STX17: variants seen among roughly 807,000 people sequenced by gnomAD.
STX17 encodes the protein syntaxin 17.
STX17 carries 29 observed loss-of-function variants against 35.9 expected under a neutral mutation model. The ratio of observed to expected loss-of-function variants is 0.81; its 90% confidence interval spans 0.60 to 1.10. The LOEUF is 1.10. Ranked by LOEUF, STX17 falls within the 50% of genes least tolerant of loss-of-function variation. The pLI, the probability that STX17 is intolerant of heterozygous loss-of-function variation, is 0.00. For missense variants in STX17, 312 were observed against 352.3 expected, an observed-to-expected ratio of 0.89 and a Z score of 0.92; for synonymous variants, 92 against 118.3, an observed-to-expected ratio of 0.78 and a Z score of 1.44.
At chr9:99,964,647 A>T (rs899142552) in intron 6 of STX17, among the ~76,000 whole-genome samples, 7 of 152,156 alleles carry the variant, frequency 4.6e-5, no homozygotes, top group Non-Finnish European at 8.8e-5. Flanking sequence ...GGAGATTGAT[A>T]GATAGAGGTT....
chr9:99,929,622 G>A (rs1186874877), intron 3 of STX17, among the ~76,000 whole-genome samples: 1 of 150,832 alleles, frequency 6.6e-6, no homozygotes, highest in Non-Finnish European at 1.5e-5. Flanking sequence ...TCTTATGGTA[G>A]GTGGAGCTCT....
chr9:99,965,918 C>G (rs762076470), intron 6 of STX17, among the ~76,000 whole-genome samples: 3 of 152,180 alleles, frequency 2.0e-5, no homozygotes, highest in Non-Finnish European at 2.9e-5. Context: ...ACTATTCTTA[C>G]TTGATAAATG....
chr9:99,918,956 G>C (rs976242103), intron 2 of STX17, among the ~76,000 whole-genome samples: 2 of 152,170 alleles, frequency 1.3e-5, no homozygotes, highest in African/African-American at 4.8e-5. Context: ...GGGAAGGAAA[G>C]TAGGTGAAGA....
chr9:99,957,936 A>C (rs994698252), intron 4 of STX17, among the ~76,000 whole-genome samples: 10 of 151,922 alleles, frequency 6.6e-5, no homozygotes, highest in African/African-American at 2.4e-4. Flanking sequence ...TGCATCCTTA[A>C]TGTGTTTCTT....
chr9:99,967,531 A>G, intron 6 of STX17, 122 bp from the exon 7 acceptor site: 1 of 634,590 alleles, frequency 1.6e-6, no homozygotes, highest in Non-Finnish European at 2.7e-6. Context: ...CTATTAATGA[A>G]CCACTATTAA....
At chr9:99,911,121 C>T (rs937465158) in intron 1 of STX17, among the ~76,000 whole-genome samples, 13 of 152,058 alleles carry the variant, frequency 8.5e-5, no homozygotes, top group African/African-American at 1.9e-4. Flanking sequence ...CCGCAACCTC[C>T]GCCTCCTGGG....
chr9:99,948,042 C>T (rs1829519116), intron 3 of STX17, among the ~76,000 whole-genome samples: 1 of 151,674 alleles, frequency 6.6e-6, no homozygotes, highest in South Asian at 2.1e-4. Context: ...AATCACCTAG[C>T]CTGCTGTTTT....
At chr9:99,959,332 C>A (rs566261582) in intron 4 of STX17, among the ~76,000 whole-genome samples, 1 of 150,602 alleles carries the variant, frequency 6.6e-6, no homozygotes, top group African/African-American at 2.4e-5. Flanking sequence ...CAGTTGAGGC[C>A]GGGAGTTCAA....
At chr9:99,939,366 A>C in intron 3 of STX17, among the ~76,000 whole-genome samples, 1 of 152,240 alleles carries the variant, frequency 6.6e-6, no homozygotes, top group East Asian at 1.9e-4. Context: ...CTGATTAATC[A>C]GGATTTAGGA....
chr9:99,918,285 A>G (rs1305694420), intron 2 of STX17, among the ~76,000 whole-genome samples: 4 of 152,008 alleles, frequency 2.6e-5, no homozygotes, highest in East Asian at 3.9e-4. Flanking sequence ...GTCCTCTACC[A>G]TGTTCAGCTA....
rs1428169886 is a variant in STX17 at position 99,969,908 on chromosome 9, G to A, written c.*1235G>A. The A allele has an allele frequency of 6.6e-6, 1 of 152,648 alleles. No homozygotes were observed. Among genetic ancestry groups the A allele is most frequent in the African/African-American group, 2.4e-5 (1 of 41,414 alleles). The allele number at this position is 152,648 out of a possible 1,614,324, so 9.5% of individuals were successfully genotyped here. A position where few individuals can be genotyped will look rare whatever the true frequency, so the allele number is the denominator to read the frequency against. On this transcript the variant is annotated 3_prime_UTR_variant, in exon 8 of 8. Transcript: ENST00000259400. ...ACTCAGACCCGGGGAATGGTGTGGT[G>A]CTAATCTCAACACCTGACATTCACA... is the stretch of plus-strand genomic sequence containing the variant.
rs1238378352 is a variant in STX17, at chr9:99,970,722, CT to C, written c.*2051del. 6.6e-6 allele frequency among the ~76,000 whole-genome samples: 1 copy of C among 152,234 alleles called. No individual in the cohort carries two copies. The highest frequency in any genetic ancestry group is 1.5e-5 in the Non-Finnish European group (1 of 68,050). Reference sequence around the variant, plus strand: ...CTGAAACTCCCAGTATTCTACCCTTCTTCATCACTGCATATTACCCCACTCT... The same window carrying C: ...CTGAAACTCCCAGTATTCTACCCTTCTCATCACTGCATATTACCCCACTCT... On this transcript the variant is annotated 3_prime_UTR_variant, in exon 8 of 8. Coordinates refer to ENST00000259400, the MANE Select transcript of STX17 (RefSeq NM_017919.3).
At chr9:99,952,356 C>T (rs568314006) in intron 4 of STX17, among the ~76,000 whole-genome samples, 3 of 152,102 alleles carry the variant, frequency 2.0e-5, no homozygotes, top group East Asian at 1.9e-4. Flanking sequence ...GTTAGAATGG[C>T]GATCATTAAA....
chr9:99,910,427 A>G (rs747878376), intron 1 of STX17, among the ~76,000 whole-genome samples: 29 of 152,184 alleles, frequency 1.9e-4, no homozygotes, highest in Non-Finnish European at 3.8e-4. Context: ...TCTGGTAGGA[A>G]CATAATAGGC....
intron 1 of STX17, chr9:99,907,330 G>A (rs1010223919): frequency 7.9e-5 from 12 of 152,178 alleles, no homozygotes; most frequent in African/African-American, 2.9e-4. Flanking sequence ...ACATTAAGCG[G>A]CGGGCCGGAA....
chr9:99,926,741 G>A (rs181169419), intron 2 of STX17, among the ~76,000 whole-genome samples: 47 of 152,180 alleles, frequency 3.1e-4, no homozygotes, highest in African/African-American at 1.1e-3. Context: ...CTTGTGATCC[G>A]CCCGCTTCAG....
chr9:99,943,089 T>A (rs1437304592), intron 3 of STX17, among the ~76,000 whole-genome samples: 2 of 152,186 alleles, frequency 1.3e-5, no homozygotes, highest in Non-Finnish European at 2.9e-5. Flanking sequence ...TTTTGCAAAT[T>A]TATTTAATTT....
chr9:99,968,300 AG>A (rs1450561851), intron 7 of STX17, 133 bp from the exon 8 acceptor site: 1 of 1,125,656 alleles, frequency 8.9e-7, no homozygotes, highest in East Asian at 2.6e-5. Context: ...CCCCCCTACA[AG>A]TACAGTCTCT....
intron 3 of STX17, among the ~76,000 whole-genome samples, chr9:99,947,734 C>G (rs1007491221): frequency 6.6e-6 from 1 of 152,058 alleles, no homozygotes; most frequent in African/African-American, 2.4e-5. Context: ...GGAGCTCTGA[C>G]GATCCCAGCC....
Sources: allele counts gnomAD v4.1 joint callset (sites outside exome capture counted in the v4.1 genomes callset), GRCh38; gene constraint gnomAD v4.1.1; transcripts MANE v1.5; gene names NCBI Gene and HGNC (gene_info 2026-07-23, HGNC 2026-07-21).